Variants in USP7 observed in about 807,000 individuals in gnomAD.
USP7 encodes the protein ubiquitin specific peptidase 7.
Under a neutral mutation model 162.9 loss-of-function variants are expected in USP7, and 9 were observed. That is an observed-to-expected ratio of 0.06 (90% CI 0.03 to 0.10). The LOEUF (loss-of-function observed/expected upper bound fraction) is 0.10. USP7 is among the 10% of genes least tolerant of loss of function. The pLI, the probability that USP7 is intolerant of heterozygous loss-of-function variation, is 1.00. For missense variants in USP7, 715 were observed against 1,373.7 expected, an observed-to-expected ratio of 0.52 and a Z score of 7.58; for synonymous variants, 562 against 475.9, an observed-to-expected ratio of 1.18 and a Z score of -2.35.
chr16:8,924,838 A>T (rs1897902044), intron 2 of USP7, among the ~76,000 whole-genome samples: 1 of 152,228 alleles, frequency 6.6e-6, no homozygotes, highest in African/African-American at 2.4e-5. Flanking sequence ...TCTTCATCCC[A>T]AATTATTTTA....
At chr16:8,912,692 C>G (rs141818560) in intron 10 of USP7, among the ~76,000 whole-genome samples, 1 of 150,740 alleles carries the variant, frequency 6.6e-6, no homozygotes, top group African/African-American at 2.4e-5. Context: ...GAGGCCAAGG[C>G]GGGCAGACTG....
At chr16:8,915,368 G>A (rs899698511) in intron 9 of USP7, 24 bp from the exon 10 acceptor site, 10 of 1,612,560 alleles carry the variant, frequency 6.2e-6, no homozygotes, top group South Asian at 1.1e-5. Flanking sequence ...AAGTAAAAGT[G>A]GTTTAACTAG....
At chr16:8,924,799 G>A (rs778665891) in intron 2 of USP7, among the ~76,000 whole-genome samples, 22 of 152,128 alleles carry the variant, frequency 1.4e-4, no homozygotes, top group Non-Finnish European at 1.9e-4. Flanking sequence ...CATGTGTGAC[G>A]GTAAGCACTT....
chr16:8,900,881 G>T, intron 20 of USP7, 109 bp downstream of exon 20: 1 of 1,128,208 alleles, frequency 8.9e-7, no homozygotes, highest in Non-Finnish European at 1.3e-6. Context: ...GAGGCCCTGA[G>T]TTAGCTGGTA....
intron 1 of USP7, among the ~76,000 whole-genome samples, chr16:8,954,930 A>C (rs1899722616): frequency 6.6e-6 from 1 of 152,212 alleles, no homozygotes; most frequent in Non-Finnish European, 1.5e-5. Context: ...ACTGCACTCC[A>C]CCCTGACAAC....
chr16:8,936,855 A>G (rs1031423670), intron 1 of USP7: 2 of 871,902 alleles, frequency 2.3e-6, no homozygotes, highest in South Asian at 6.1e-5. Flanking sequence ...AAAGAATCTG[A>G]CTTTGGTTAA....
At chr16:8,923,128 A>C (rs1395789940) in intron 3 of USP7, 87 bp downstream of exon 3, 1 of 983,262 alleles carries the variant, frequency 1.0e-6, no homozygotes, top group African/African-American at 1.6e-5. Context: ...TTAAAATCAA[A>C]AGGCTATGTA....
At chr16:8,940,685 G>T (rs915362245) in intron 1 of USP7, among the ~76,000 whole-genome samples, 6 of 152,182 alleles carry the variant, frequency 3.9e-5, no homozygotes, top group Non-Finnish European at 7.4e-5. Flanking sequence ...CCATCTTCTA[G>T]ACATTTCCAG....
Position 8,895,666 on chromosome 16 carries a change from T to G in USP7, c.2895A>C (p.Ala965=). 1 of 1,613,262 alleles carries G rather than the reference T, an allele frequency of 6.2e-7. No individual in the cohort carries two copies. Among genetic ancestry groups the G allele is most frequent in the South Asian group, 1.1e-5 (1 of 90,678 alleles). The part of the protein sequence containing the change: ...EDELLECLSP[A]TSRTFRIEEI... Reference sequence around the variant, plus strand: ...CCTCTATTCGAAACGTCCGGCTCGTTGCAGGAGATAAACATTCTAATAGTT... The same window carrying G: ...CCTCTATTCGAAACGTCCGGCTCGTGGCAGGAGATAAACATTCTAATAGTT... Residue 965 remains alanine (A), a synonymous_variant, in exon 27 of 31, where the codon GCA becomes GCC. Coordinates refer to ENST00000344836, the MANE Select transcript of USP7 (RefSeq NM_003470.3).
rs1382390 is a variant in USP7, at chr16:8,936,587, C to A, written c.80-6190G>T. Reference sequence around the variant, plus strand: ...CAACCTGAAAACCTGACTCACCTTCCAGCCCAAGCCTGTGGTTCCCAGCCA... The same window carrying A: ...CAACCTGAAAACCTGACTCACCTTCAAGCCCAAGCCTGTGGTTCCCAGCCA... On this transcript the variant is annotated intron_variant, in intron 1 of 30. Coordinates refer to ENST00000344836, the MANE Select transcript of USP7 (RefSeq NM_003470.3). 2.1e-4 allele frequency: 318 copies of A among 1,545,498 alleles called. 4 individuals are homozygous for A. The East Asian group carries it at 5.7e-3, about 28-fold the overall frequency.
intron 2 of USP7, among the ~76,000 whole-genome samples, chr16:8,926,789 C>A (rs1419048757): frequency 2.0e-5 from 3 of 152,318 alleles, no homozygotes; most frequent in African/African-American, 4.8e-5. Context: ...TTACCGCATG[C>A]TTCTTTTTAC....
chr16:8,899,893 G>A (rs775435677), intron 21 of USP7, 136 bp from the exon 22 acceptor site: 1 of 1,076,558 alleles, frequency 9.3e-7, no homozygotes, highest in African/African-American at 1.6e-5. Context: ...CCCTTTGAGG[G>A]GGCCAGGCAT....
intron 1 of USP7, among the ~76,000 whole-genome samples, chr16:8,952,415 G>A (rs2141262781): frequency 6.6e-6 from 1 of 152,338 alleles, no homozygotes; most frequent in South Asian, 2.1e-4. Context: ...AAGGTCAGAA[G>A]TCTGAAATGG....
At chr16:8,942,404 G>A (rs1464490990) in intron 1 of USP7, among the ~76,000 whole-genome samples, 1 of 152,188 alleles carries the variant, frequency 6.6e-6, no homozygotes, top group Non-Finnish European at 1.5e-5. Context: ...CTCCTGACAA[G>A]CTCCTTTGCT....
chr16:8,907,704 C>T (rs2061882546), intron 12 of USP7, among the ~76,000 whole-genome samples: 1 of 152,070 alleles, frequency 6.6e-6, no homozygotes, highest in South Asian at 2.1e-4. Flanking sequence ...TAGCCAGGTA[C>T]TTGGAAGGCT....
intron 5 of USP7, among the ~76,000 whole-genome samples, 166 bp downstream of exon 5, chr16:8,920,193 T>C (rs1475155126): frequency 1.3e-5 from 2 of 152,296 alleles, no homozygotes; most frequent in South Asian, 2.1e-4. Flanking sequence ...GCTCAATCAA[T>C]CTGTTAAACG....
chr16:8,910,919 G>A (rs1365681313), intron 10 of USP7, 92 bp from the exon 11 acceptor site: 1 of 1,062,042 alleles, frequency 9.4e-7, no homozygotes, highest in Non-Finnish European at 1.4e-6. Flanking sequence ...GCATATTTAG[G>A]ATTAGCAGAG....
intron 1 of USP7, among the ~76,000 whole-genome samples, chr16:8,941,091 T>A (rs571426302): frequency 5.1e-4 from 78 of 152,300 alleles, no homozygotes; most frequent in African/African-American, 1.6e-3. Context: ...CTGCCCATGT[T>A]TGCCAAGGAG....
At chr16:8,934,365 G>C (rs914429646) in intron 1 of USP7, among the ~76,000 whole-genome samples, 1 of 152,126 alleles carries the variant, frequency 6.6e-6, no homozygotes, top group Admixed American at 6.5e-5. Context: ...CTCAAAGAAG[G>C]GCTTGTTTGG....
Sources: gnomAD v4.1 joint callset for allele counts (sites outside exome capture counted in the v4.1 genomes callset) on GRCh38, gnomAD v4.1.1 for gene constraint, MANE v1.5 for transcripts, NCBI Gene and HGNC (gene_info 2026-07-23, HGNC 2026-07-21) for gene names.